RIC1: variants seen among roughly 807,000 people sequenced by gnomAD.
RIC1 encodes the protein guanine nucleotide exchange factor subunit RIC1.
RIC1 carries 88 observed loss-of-function variants against 169.0 expected under a neutral mutation model. The observed-to-expected ratio is 0.52, with a 90% CI of 0.44 to 0.62. The LOEUF (loss-of-function observed/expected upper bound fraction) is 0.62. Among genes scored for constraint, RIC1 ranks in the 20% least tolerant of loss-of-function variants. RIC1 has a pLI of 0.00. For synonymous variants in RIC1, 790 were observed against 601.5 expected, an observed-to-expected ratio of 1.31 and a Z score of -4.59; for missense variants, 1,877 against 1,725.5, an observed-to-expected ratio of 1.09 and a Z score of -1.56.
chr9:5,630,822 A>G (rs147723453), intron 1 of RIC1, among the ~76,000 whole-genome samples: 3 of 152,314 alleles, frequency 2.0e-5, no homozygotes, highest in African/African-American at 7.2e-5. Context: ...CCTAAATGAG[A>G]TATTCGTTTA....
Position 5,765,643 on chromosome 9 carries a change from A to G in RIC1, c.3001-19A>G. ...TAGCATCTTTCTCTAATGGTACTGCATATGGTGTGTAATCCTAGGAACCCA... is the reference window on the plus strand; with the variant it reads ...TAGCATCTTTCTCTAATGGTACTGCGTATGGTGTGTAATCCTAGGAACCCA... On this transcript the variant is annotated intron_variant, in intron 20 of 25. Coordinates refer to ENST00000414202, the MANE Select transcript of RIC1 (RefSeq NM_020829.4). The G allele has an allele frequency of 1.2e-6, 2 of 1,614,120 alleles. No homozygotes were observed. Among genetic ancestry groups the G allele is most frequent in the African/African-American group, 1.3e-5 (1 of 75,044 alleles).
In RIC1 at chr9:5,637,870, A is replaced by T. The variant is rs182053914; in HGVS notation, c.144+8417A>T. On this transcript the variant is annotated intron_variant, in intron 1 of 25. Coordinates refer to ENST00000414202, the MANE Select transcript of RIC1 (RefSeq NM_020829.4). ...TTTATCCATCCATCTGTTGATGGAC[A>T]CTTCCAGTACTGTGTTGAATAACAA... Among the ~76,000 whole-genome samples, 26 of 152,280 alleles carry T rather than the reference A, an allele frequency of 1.7e-4. No individual in the cohort carries two copies. The East Asian group carries it at 4.4e-3, about 26-fold the overall frequency.
intron 1 of RIC1, among the ~76,000 whole-genome samples, chr9:5,649,408 T>C (rs1238001252): frequency 6.6e-6 from 1 of 152,164 alleles, no homozygotes; most frequent in Non-Finnish European, 1.5e-5. Flanking sequence ...TTGTTTTGTT[T>C]TCTGAGTTAT....
intron 23 of RIC1, among the ~76,000 whole-genome samples, chr9:5,772,052 ACAT>A (rs558790297): frequency 6.6e-6 from 1 of 152,218 alleles, no homozygotes; most frequent in African/African-American, 2.4e-5. Context: ...TGTTTCATAG[ACAT>A]CATAATTTTG....
chr9:5,742,625 C>T (rs1401910293), intron 8 of RIC1, among the ~76,000 whole-genome samples: 7 of 152,100 alleles, frequency 4.6e-5, no homozygotes, highest in African/African-American at 1.4e-4. Flanking sequence ...CTAATAGTGA[C>T]TAGAAACAGC....
chr9:5,690,033 T>C lies in RIC1; in HGVS notation c.327T>C (p.Tyr109=), dbSNP rs745620310. 5 of 1,585,772 alleles carry C rather than the reference T, an allele frequency of 3.2e-6. No individual in the cohort carries two copies. The South Asian group carries it at 3.5e-5, about 11-fold the overall frequency. The stretch of plus-strand genomic sequence containing the variant: ...ACAAGTACCTTTATGAACCAGTGTA[T>C]CCCAAGTAAGTTTGTTGCCTTTCAT... The part of the protein sequence containing the change: ...RGDKYLYEPV[Y]PKGSPQMKGT... The change falls in exon 3 of 26, where the codon TAT becomes TAC. Residue 109 remains tyrosine (Y), a synonymous_variant. Transcript: ENST00000414202.
chr9:5,731,260 C>T (rs1254104185), intron 6 of RIC1, among the ~76,000 whole-genome samples: 1 of 152,018 alleles, frequency 6.6e-6, no homozygotes, highest in African/African-American at 2.4e-5. Flanking sequence ...CTAGAAAATA[C>T]TTATTGTAGG....
At position 5,642,199 on chromosome 9, in the gene RIC1, G is replaced by T. The variant is rs756973454; in HGVS notation, c.144+12746G>T. 2.1e-5 allele frequency among the ~76,000 whole-genome samples: 3 copies of T among 145,174 alleles called. 1 individual carries two copies. The highest frequency in any genetic ancestry group is 8.4e-5 in the African/African-American group (3 of 35,688). The stretch of plus-strand genomic sequence containing the variant: ...GAAGAATTATTTGGATTACCACGTA[G>T]AGACTCTTGTTCTTTTCTGTTACTT... On this transcript the variant is annotated intron_variant, in intron 1 of 25. Coordinates refer to ENST00000414202, the MANE Select transcript of RIC1 (RefSeq NM_020829.4).
chr9:5,735,472 G>A (rs553468081), intron 7 of RIC1, among the ~76,000 whole-genome samples: 4 of 152,200 alleles, frequency 2.6e-5, no homozygotes, highest in African/African-American at 4.8e-5. Flanking sequence ...GGAAGTACTA[G>A]CCCTTCCCAG....
intron 2 of RIC1, among the ~76,000 whole-genome samples, chr9:5,670,255 C>G (rs1370524035): frequency 2.0e-5 from 3 of 152,176 alleles, no homozygotes; most frequent in Non-Finnish European, 4.4e-5. Context: ...TATGTAACTG[C>G]CAAGAGCTTT....
intron 23 of RIC1, among the ~76,000 whole-genome samples, chr9:5,770,583 T>C (rs1388036945): frequency 6.6e-6 from 1 of 152,264 alleles, no homozygotes; most frequent in Non-Finnish European, 1.5e-5. Flanking sequence ...GTTATCCTCA[T>C]ATAAAGAATT....
chr9:5,681,984 T>G (rs1055416026), intron 2 of RIC1, among the ~76,000 whole-genome samples: 9 of 152,324 alleles, frequency 5.9e-5, no homozygotes, highest in African/African-American at 2.2e-4. Flanking sequence ...TTGCAACCCC[T>G]GCCTTTTTTT....
At chr9:5,681,540 G>C (rs936609295) in intron 2 of RIC1, among the ~76,000 whole-genome samples, 2 of 152,174 alleles carry the variant, frequency 1.3e-5, no homozygotes, top group African/African-American at 4.8e-5. Flanking sequence ...TTTTACATTT[G>C]CTGAGGAGTG....
intron 3 of RIC1, among the ~76,000 whole-genome samples, chr9:5,704,615 T>TC (rs1822446896): frequency 6.6e-6 from 1 of 152,196 alleles, no homozygotes; most frequent in Non-Finnish European, 1.5e-5. Flanking sequence ...ATATTTTTTT[T>TC]CTCATTGTCT....
chr9:5,756,286 A>C lies in RIC1; in HGVS notation c.1767A>C (p.Leu589Phe). The part of the protein sequence containing the change: ...AHVTKAQAET[L>F]LLSVFQDMVI... Reference sequence around the variant, plus strand: ...TCACCAAAGCACAAGCAGAAACATTACTGCTTAGTGTCTTCCAGGACATGG... The same window carrying C: ...TCACCAAAGCACAAGCAGAAACATTCCTGCTTAGTGTCTTCCAGGACATGG... Residue 589 changes from leucine to phenylalanine, a missense_variant, in exon 16 of 26, where the codon TTA (leucine) becomes TTC (phenylalanine). Physicochemically the swap from Leu to Phe is conservative, Grantham distance 22. Transcript: ENST00000414202. 1 of 1,604,442 alleles carries C rather than the reference A, an allele frequency of 6.2e-7. No individual in the cohort carries two copies. Among genetic ancestry groups the C allele is most frequent in the Non-Finnish European group, 8.5e-7 (1 of 1,173,388 alleles).
chr9:5,724,671 A>G (rs1046643973), intron 6 of RIC1, among the ~76,000 whole-genome samples: 2 of 152,210 alleles, frequency 1.3e-5, no homozygotes, highest in African/African-American at 4.8e-5. Flanking sequence ...GTTTTTGCCC[A>G]TTCAGTATGA....
chr9:5,677,293 T>A (rs1462901271), intron 2 of RIC1, among the ~76,000 whole-genome samples: 1 of 152,226 alleles, frequency 6.6e-6, no homozygotes, highest in African/African-American at 2.4e-5. Flanking sequence ...TGAACATTTT[T>A]CTCATTTGTT....
intron 3 of RIC1, among the ~76,000 whole-genome samples, chr9:5,696,643 A>T (rs549112974): frequency 2.0e-4 from 30 of 152,324 alleles, no homozygotes; most frequent in Middle Eastern, 3.4e-3. Context: ...GATAAAAAGT[A>T]AAAAAATGTG....
At chr9:5,653,479 G>C (rs764297021) in intron 1 of RIC1, among the ~76,000 whole-genome samples, 2 of 152,198 alleles carry the variant, frequency 1.3e-5, no homozygotes, top group Non-Finnish European at 2.9e-5. Flanking sequence ...CTGGGAATTT[G>C]ATTGAGATTG....
Sources: allele counts gnomAD v4.1 joint callset (sites outside exome capture counted in the v4.1 genomes callset), GRCh38; gene constraint gnomAD v4.1.1; transcripts MANE v1.5; gene names NCBI Gene and HGNC (gene_info 2026-07-23, HGNC 2026-07-21).